GPM6A: variants seen among roughly 807,000 people sequenced by gnomAD.
GPM6A encodes the protein neuronal membrane glycoprotein M6-a.
In GPM6A, 7 loss-of-function variants were observed where a neutral mutation model predicts 32.1. That is an observed-to-expected ratio of 0.22 (90% CI 0.12 to 0.41). GPM6A has a LOEUF of 0.41. GPM6A is among the 10% of genes least tolerant of loss of function. The pLI, the probability that GPM6A is intolerant of heterozygous loss-of-function variation, is 1.00. For missense variants in GPM6A, 235 were observed against 347.2 expected, an observed-to-expected ratio of 0.68 and a Z score of 2.57; for synonymous variants, 130 against 123.4, an observed-to-expected ratio of 1.05 and a Z score of -0.35.
intron 1 of GPM6A, among the ~76,000 whole-genome samples, chr4:175,975,176 A>G (rs1195110721): frequency 1.3e-5 from 2 of 152,196 alleles, no homozygotes; most frequent in Admixed American, 6.5e-5. Flanking sequence ...GCCTGTATAC[A>G]GGTAAATCTG....
intron 1 of GPM6A, among the ~76,000 whole-genome samples, chr4:175,768,005 T>A (rs182740891): frequency 6.6e-6 from 1 of 152,318 alleles, no homozygotes; most frequent in African/African-American, 2.4e-5. Flanking sequence ...CTGCATTTAG[T>A]TTAGCATTTA....
intron 1 of GPM6A, among the ~76,000 whole-genome samples, chr4:175,834,084 A>T (rs570561279): frequency 6.6e-5 from 10 of 152,296 alleles, no homozygotes; most frequent in African/African-American, 2.4e-4. Context: ...AGAGGAAAGC[A>T]GAGGCAGCAC....
intron 1 of GPM6A, among the ~76,000 whole-genome samples, chr4:175,921,332 T>G (rs1253085746): frequency 6.6e-6 from 1 of 152,172 alleles, no homozygotes; most frequent in Non-Finnish European, 1.5e-5. Flanking sequence ...CACTTAAATG[T>G]CAAATTTGGC....
chr4:175,868,891 A>G (rs1009255336), intron 1 of GPM6A, among the ~76,000 whole-genome samples: 10 of 152,230 alleles, frequency 6.6e-5, no homozygotes, highest in Admixed American at 2.0e-4. Context: ...GGAAAGTGTC[A>G]GTTCAGCTTG....
chr4:175,637,102 ATATAT>A (rs992184495), intron 6 of GPM6A, among the ~76,000 whole-genome samples: 5 of 129,804 alleles, frequency 3.9e-5, no homozygotes, highest in East Asian at 2.2e-4. Flanking sequence ...ATCATATATA[ATATAT>A]TATATGTGAT....
chr4:175,644,195 C>CTCACTGCAAGCTCCGCTTCCCGGGT (rs982432947), intron 4 of GPM6A, among the ~76,000 whole-genome samples: 1 of 143,274 alleles, frequency 7.0e-6, no homozygotes, highest in African/African-American at 2.6e-5. Flanking sequence ...GCTATCTCGG[C>CTCACTGCAAGCTCCGCTTCCCGGGT]TCACTGCAAG....
chr4:175,771,082 T>C (rs985626504), intron 1 of GPM6A, among the ~76,000 whole-genome samples: 1 of 152,122 alleles, frequency 6.6e-6, no homozygotes, highest in Non-Finnish European at 1.5e-5. Context: ...AATGGGGTAT[T>C]TTAGGAAATA....
Position 175,634,382 on chromosome 4 carries a change from T to G in GPM6A, c.*523A>C, listed in dbSNP as rs1275276932. ...ACATGAACCAGGGCCTACAGTAATA[T>G]GGCCACTGATCTTCAGACAAAATTT... On this transcript the variant is annotated 3_prime_UTR_variant, in exon 7 of 7. Transcript: ENST00000393658. 6.6e-6 allele frequency: 1 copy of G among 152,588 alleles called. No individual in the cohort carries two copies. Among genetic ancestry groups the G allele is most frequent in the Non-Finnish European group, 1.5e-5 (1 of 68,070 alleles). 9.5% of individuals were successfully genotyped at this position (152,588 alleles called of 1,614,324 possible). A position where few individuals can be genotyped will look rare whatever the true frequency, so the allele number is the denominator to read the frequency against.
At chr4:175,856,991 G>T (rs894286569) in intron 1 of GPM6A, among the ~76,000 whole-genome samples, 4 of 152,074 alleles carry the variant, frequency 2.6e-5, no homozygotes, top group Admixed American at 1.3e-4. Flanking sequence ...GCTTGTGGGT[G>T]GAGCCCTCAC....
chr4:175,655,816 A>C (rs1742053457), intron 3 of GPM6A, among the ~76,000 whole-genome samples: 1 of 152,054 alleles, frequency 6.6e-6, no homozygotes, highest in South Asian at 2.1e-4. Context: ...GCGAGCTGGA[A>C]ATTATGATAA....
chr4:175,690,244 C>T (rs1744222520), intron 2 of GPM6A, among the ~76,000 whole-genome samples: 1 of 152,142 alleles, frequency 6.6e-6, no homozygotes, highest in Non-Finnish European at 1.5e-5. Context: ...GGCATCTATG[C>T]TAGAAGTATA....
intron 1 of GPM6A, among the ~76,000 whole-genome samples, chr4:175,761,497 G>A (rs894525279): frequency 7.2e-5 from 11 of 152,124 alleles, no homozygotes; most frequent in African/African-American, 2.4e-4. Flanking sequence ...ATAAAATACA[G>A]CAGGTGTCCT....
intron 3 of GPM6A, among the ~76,000 whole-genome samples, chr4:175,652,817 A>G (rs1476477203): frequency 6.6e-6 from 1 of 152,136 alleles, no homozygotes; most frequent in Non-Finnish European, 1.5e-5. Flanking sequence ...CATTAGACAG[A>G]AAACTGTCTG....
chr4:175,729,233 A>C (rs763792346), intron 1 of GPM6A, among the ~76,000 whole-genome samples: 3 of 152,212 alleles, frequency 2.0e-5, no homozygotes, highest in Non-Finnish European at 2.9e-5. Context: ...TCCTAGCTTC[A>C]TTATTAATAG....
chr4:175,795,181 T>C (rs1164832590), intron 1 of GPM6A, among the ~76,000 whole-genome samples: 3 of 152,196 alleles, frequency 2.0e-5, no homozygotes, highest in African/African-American at 7.2e-5. Context: ...ACAGTGTACA[T>C]AAATGATGAC....
chr4:175,930,345 C>T (rs572766626), intron 1 of GPM6A, among the ~76,000 whole-genome samples: 3 of 149,190 alleles, frequency 2.0e-5, no homozygotes, highest in South Asian at 2.1e-4. Context: ...AAATTTTAGC[C>T]GAGACCAGAG....
chr4:175,993,769 A>G (rs955285545), intron 1 of GPM6A, among the ~76,000 whole-genome samples: 2 of 152,162 alleles, frequency 1.3e-5, no homozygotes, highest in Non-Finnish European at 2.9e-5. Context: ...CCAAATAATG[A>G]AGGAAACAAT....
At chr4:175,934,962 A>C (rs1371551558) in intron 1 of GPM6A, among the ~76,000 whole-genome samples, 1 of 152,228 alleles carries the variant, frequency 6.6e-6, no homozygotes, top group Non-Finnish European at 1.5e-5. Context: ...CCTTATGTTC[A>C]AAGGTCACAA....
intron 3 of GPM6A, among the ~76,000 whole-genome samples, chr4:175,654,012 T>G (rs1560854205): frequency 6.6e-6 from 1 of 152,108 alleles, no homozygotes; most frequent in Non-Finnish European, 1.5e-5. Context: ...ATCACATCAT[T>G]GCTTAGGCAC....
Sources: allele counts gnomAD v4.1 joint callset (sites outside exome capture counted in the v4.1 genomes callset), GRCh38; gene constraint gnomAD v4.1.1; transcripts MANE v1.5; gene names NCBI Gene and HGNC (gene_info 2026-07-23, HGNC 2026-07-21).